KMO: variants seen among roughly 807,000 people sequenced by gnomAD.
The protein encoded by KMO is kynurenine 3-monooxygenase, also known as kynurenine 3-hydroxylase.
Under a neutral mutation model 57.8 loss-of-function variants are expected in KMO, and 24 were observed. The ratio of observed to expected loss-of-function variants is 0.42; its 90% CI spans 0.30 to 0.58. KMO has a LOEUF of 0.58. Ranked by LOEUF, KMO falls within the 20% of genes least tolerant of loss-of-function variation. KMO has a pLI of 0.22. For missense variants in KMO, 483 were observed against 588.2 expected (o/e 0.82, Z 1.85); for synonymous variants, 210 against 193.6 (o/e 1.08, Z -0.70).
chr1:241,594,347 G>T lies in KMO; in HGVS notation c.*2194G>T. 2 of 1,437,736 alleles carry T rather than the reference G, an allele frequency of 1.4e-6. No homozygotes were observed. Among genetic ancestry groups the T allele is most frequent in the South Asian group, 1.3e-5 (1 of 77,610 alleles). 89.1% of individuals were successfully genotyped at this position (1,437,736 alleles called of 1,614,324 possible). A position where few individuals can be genotyped will look rare whatever the true frequency, so the allele number is the denominator to read the frequency against. On this transcript the variant is annotated 3_prime_UTR_variant, in exon 15 of 15. Coordinates refer to ENST00000366559, the MANE Select transcript of KMO (RefSeq NM_003679.5). ...GTTCTGTTGATATTACATAGAACGG[G>T]TATTCCAGACACTTCTTATGATGAA...
At chr1:241,550,610 G>A (rs1332613380) in intron 3 of KMO, among the ~76,000 whole-genome samples, 1 of 152,158 alleles carries the variant, frequency 6.6e-6, no homozygotes, top group African/African-American at 2.4e-5. Context: ...TGCATTGAAT[G>A]TTAGGAACCC....
At chr1:241,576,559 C>T (rs1416701991) in intron 10 of KMO, among the ~76,000 whole-genome samples, 1 of 152,034 alleles carries the variant, frequency 6.6e-6, no homozygotes, top group East Asian at 1.9e-4. Context: ...GACAGTTATT[C>T]TGTTTAAGGA....
chr1:241,555,845 T>G, intron 5 of KMO, 185 bp downstream of exon 5: 1 of 440,184 alleles, frequency 2.3e-6, no homozygotes, highest in Non-Finnish European at 4.1e-6. Context: ...CCCAGCACTC[T>G]GAAAGGCTGA....
At chr1:241,540,280 C>G (rs949021232) in intron 1 of KMO, among the ~76,000 whole-genome samples, 1 of 152,086 alleles carries the variant, frequency 6.6e-6, no homozygotes, top group African/African-American at 2.4e-5. Flanking sequence ...TATTATTCCT[C>G]TCTGGGAATT....
At chr1:241,571,030 T>C (rs1299771019) in intron 10 of KMO, among the ~76,000 whole-genome samples, 1 of 152,170 alleles carries the variant, frequency 6.6e-6, no homozygotes, top group East Asian at 1.9e-4. Flanking sequence ...TCTTACTTTA[T>C]TTGTAATTAT....
At chr1:241,564,557 T>C (rs1322078931) in intron 7 of KMO, among the ~76,000 whole-genome samples, 1 of 151,598 alleles carries the variant, frequency 6.6e-6, no homozygotes, top group Non-Finnish European at 1.5e-5. Context: ...AAAGATAAAG[T>C]AAAAAATATA....
At chr1:241,566,871 C>A (rs1255944511) in intron 9 of KMO, among the ~76,000 whole-genome samples, 1 of 152,168 alleles carries the variant, frequency 6.6e-6, no homozygotes. Context: ...ATGCAGGCTC[C>A]TCAGGCTCCT....
intron 4 of KMO, among the ~76,000 whole-genome samples, chr1:241,551,648 C>T (rs1321119345): frequency 1.3e-5 from 2 of 152,184 alleles, no homozygotes; most frequent in Non-Finnish European, 2.9e-5. Flanking sequence ...TCTAATTAGA[C>T]CTTCTGATTC....
At chr1:241,562,943 CGGGAAGGGAA>C (rs71174818) in intron 7 of KMO, among the ~76,000 whole-genome samples, 2 of 76,688 alleles carry the variant, frequency 2.6e-5, no homozygotes, top group Admixed American at 1.2e-4. Context: ...AGGAAGGAGA[CGGGAAGGGAA>C]GGGAAGGGAA....
intron 11 of KMO, among the ~76,000 whole-genome samples, chr1:241,587,435 T>C (rs574815489): frequency 6.6e-6 from 1 of 152,182 alleles, no homozygotes; most frequent in East Asian, 1.9e-4. Flanking sequence ...AGCTCCAGTG[T>C]TTTTTGCCCT....
chr1:241,577,386 A>AT (rs1662562437), intron 10 of KMO, among the ~76,000 whole-genome samples: 1 of 152,008 alleles, frequency 6.6e-6, no homozygotes, highest in Non-Finnish European at 1.5e-5. Flanking sequence ...TTTTAAATTT[A>AT]TTTTTGATTC....
At chr1:241,536,150 G>T (rs770144565) in intron 1 of KMO, among the ~76,000 whole-genome samples, 1 of 151,950 alleles carries the variant, frequency 6.6e-6, no homozygotes, top group Non-Finnish European at 1.5e-5. Context: ...GAGGAATGTA[G>T]TCCTTTCAAT....
chr1:241,551,035 A>G lies in KMO; in HGVS notation c.303A>G (p.Thr101=). 1.3e-6 allele frequency: 2 copies of G among 1,549,862 alleles called. 1 individual carries two copies. The highest frequency in any genetic ancestry group is 2.4e-5 in the South Asian group (2 of 84,492). Residue 101 remains threonine (T), a synonymous_variant, in exon 4 of 15, where the codon ACA becomes ACG. Transcript: ENST00000366559. ...AAAAGTCTGCAATTCCCTATGGGAC[A>G]AAGTCTCAGGTAGGTTTACCCCGGA... is the stretch of plus-strand genomic sequence containing the variant. ...SGKKSAIPYG[T]KSQYILSVSR... is the part of the protein sequence containing the mutation.
intron 7 of KMO, among the ~76,000 whole-genome samples, chr1:241,562,900 AAG>A (rs879921062): frequency 0.056 from 3,592 of 64,258 alleles, 76 homozygotes; most frequent in Middle Eastern, 0.12. Flanking sequence ...GGAAGGAAGG[AAG>A]GAAGGAAGGA....
intron 4 of KMO, among the ~76,000 whole-genome samples, chr1:241,554,951 C>T (rs944960219): frequency 1.3e-5 from 2 of 150,910 alleles, no homozygotes; most frequent in Admixed American, 1.3e-4. Context: ...CATTGCACTC[C>T]AACCTGGGCA....
chr1:241,588,492 C>T (rs962384156), intron 11 of KMO, among the ~76,000 whole-genome samples: 3 of 151,832 alleles, frequency 2.0e-5, no homozygotes, highest in South Asian at 2.1e-4. Flanking sequence ...ACACTGTCAA[C>T]GCTGGTTTGG....
intron 10 of KMO, among the ~76,000 whole-genome samples, chr1:241,573,427 T>C (rs879549124): frequency 2.0e-5 from 3 of 152,158 alleles, no homozygotes; most frequent in Non-Finnish European, 4.4e-5. Context: ...TTAAGTCTTT[T>C]ATCCATCTTG....
intron 3 of KMO, chr1:241,550,197 G>C (rs1261265077): frequency 6.4e-6 from 1 of 155,150 alleles, no homozygotes; most frequent in East Asian, 1.9e-4. Flanking sequence ...GACTTGACAT[G>C]AGACTCTTTG....
chr1:241,558,850 C>A (rs1015916323), intron 5 of KMO, among the ~76,000 whole-genome samples: 3 of 151,406 alleles, frequency 2.0e-5, no homozygotes, highest in Admixed American at 1.3e-4. Context: ...CAGTGGCTCA[C>A]ACCTGTAATC....
Sources: allele counts gnomAD v4.1 joint callset (sites outside exome capture counted in the v4.1 genomes callset), GRCh38; gene constraint gnomAD v4.1.1; transcripts MANE v1.5; gene names NCBI Gene and HGNC (gene_info 2026-07-23, HGNC 2026-07-21).